RASA3: variants seen among roughly 807,000 people sequenced by gnomAD.
RASA3 encodes ras GTPase-activating protein 3.
Under a neutral mutation model 110.0 loss-of-function variants are expected in RASA3, and 73 were observed. That is an observed-to-expected ratio of 0.66 (90% CI 0.55 to 0.81). RASA3 has a LOEUF of 0.81. Ranked by LOEUF, RASA3 falls within the 30% of genes least tolerant of loss-of-function variation. The probability of loss-of-function intolerance (pLI) is 0.00; values close to 1 mark genes in which losing one functional copy is unlikely to be tolerated. For synonymous variants in RASA3, 500 were observed against 451.4 expected (o/e 1.11, Z -1.37); for missense variants, 976 against 1,113.2 (o/e 0.88, Z 1.75).
chr13:114,064,135 G>C (rs1294728022), intron 2 of RASA3, among the ~76,000 whole-genome samples: 1 of 152,214 alleles, frequency 6.6e-6, no homozygotes, highest in Admixed American at 6.5e-5. Context: ...TGTCACCAGT[G>C]GGTGACTATG....
At position 114,073,844 on chromosome 13, in the gene RASA3, A is replaced by C. The variant is rs186368945; in HGVS notation, c.56-7T>G. On this transcript the variant is annotated splice_region_variant and splice_polypyrimidine_tract_variant and intron_variant, in intron 1 of 23. Coordinates refer to ENST00000334062, the MANE Select transcript of RASA3 (RefSeq NM_007368.4). The stretch of plus-strand genomic sequence containing the variant: ...GGAAGGTTTTTGGCTTCACCTAAAA[A>C]GTAAAAGCGACATACATCATCAGCA... 1 of 1,604,774 alleles carries C rather than the reference A, an allele frequency of 6.2e-7. No individual in the cohort carries two copies. Among genetic ancestry groups the C allele is most frequent in the Non-Finnish European group, 8.5e-7 (1 of 1,171,548 alleles).
At chr13:114,045,334 A>G (rs528343654) in intron 3 of RASA3, among the ~76,000 whole-genome samples, 2 of 152,284 alleles carry the variant, frequency 1.3e-5, no homozygotes, top group African/African-American at 4.8e-5. Context: ...CCTTCTCACC[A>G]CGAGAGGCCG....
intron 1 of RASA3, among the ~76,000 whole-genome samples, chr13:114,080,724 C>CAGGGGTCTCCCCCAGGGGCCACT (rs1566560322): frequency 2.6e-5 from 1 of 38,010 alleles, no homozygotes. Context: ...CAGGGGCCAC[C>CAGGGGTCTCCCCCAGGGGCCACT]TCCCAGGGCA....
In RASA3 at chr13:114,011,462, G is replaced by A. The variant is rs1001759726; in HGVS notation, c.1513-214C>T. On this transcript the variant is annotated intron_variant, in intron 15 of 23. Coordinates refer to ENST00000334062, the MANE Select transcript of RASA3 (RefSeq NM_007368.4). This position sits in a 1 kb window ranked among gnomAD's most constrained non-coding sequence, Gnocchi z 4.8. The stretch of plus-strand genomic sequence containing the variant: ...TGAGACCATCCCGCAGGCAACATCC[G>A]ACGGCACCGCGGTGACCCACTCTCT... Among the ~76,000 whole-genome samples the A allele has an allele frequency of 3.9e-5, 6 of 152,096 alleles. No individual in the cohort carries two copies. Among genetic ancestry groups the A allele is most frequent in the Non-Finnish European group, 8.8e-5 (6 of 68,016 alleles).
At position 114,096,859 on chromosome 13, in the gene RASA3, C is replaced by T. The variant is rs990577393; in HGVS notation, c.56-23022G>A. Among the ~76,000 whole-genome samples the T allele has an allele frequency of 6.6e-6, 1 of 152,130 alleles. No individual in the cohort carries two copies. The highest frequency in any genetic ancestry group is 1.9e-4 in the East Asian group (1 of 5,198). On this transcript the variant is annotated intron_variant, in intron 1 of 23. Coordinates refer to ENST00000334062, the MANE Select transcript of RASA3 (RefSeq NM_007368.4). This position sits in a 1 kb window ranked among gnomAD's most constrained non-coding sequence, Gnocchi z 5.1. The stretch of plus-strand genomic sequence containing the variant: ...ATCTCGCTGCTCCCTCGGACGTACT[C>T]GCCCTACACCCCAGCCAAACGCACT...
In RASA3 at chr13:114,038,484, G is replaced by A. The variant is rs192502433; in HGVS notation, c.372+2516C>T. 7.9e-5 allele frequency among the ~76,000 whole-genome samples: 12 copies of A among 152,350 alleles called. 1 individual carries two copies. In the East Asian group the frequency reaches 1.2e-3, roughly 15 times the overall value. On this transcript the variant is annotated intron_variant, in intron 4 of 23. Coordinates refer to ENST00000334062, the MANE Select transcript of RASA3 (RefSeq NM_007368.4). ...GGAAGCAGAGTTAATTAAGTGTGAC[G>A]CACAATTAGCACAGGTCCCTTGGGG... is the stretch of plus-strand genomic sequence containing the variant.
intron 14 of RASA3, 135 bp from the exon 15 acceptor site, chr13:114,013,383 C>CCCTCTCTCTG: frequency 7.2e-6 from 4 of 554,538 alleles, no homozygotes; most frequent in Non-Finnish European, 1.3e-5. Context: ...GTGTCTGTCT[C>CCCTCTCTCTG]TCTCCCTCTC....
intron 16 of RASA3, among the ~76,000 whole-genome samples, chr13:114,010,795 G>T (rs1421224799): frequency 1.3e-5 from 2 of 149,350 alleles, no homozygotes; most frequent in Non-Finnish European, 3.0e-5. Context: ...GGGGAGGAGG[G>T]GGCCGCGAGG....
chr13:114,045,631 A>C (rs1393921410), intron 3 of RASA3, among the ~76,000 whole-genome samples: 2 of 150,492 alleles, frequency 1.3e-5, no homozygotes, highest in East Asian at 1.9e-4. Context: ...TAGAATGTAC[A>C]AAAAAAAATC....
At chr13:114,023,570 C>G (rs1035853498) in intron 8 of RASA3, among the ~76,000 whole-genome samples, 1 of 152,224 alleles carries the variant, frequency 6.6e-6, no homozygotes. Flanking sequence ...GGGAACCCGC[C>G]GGGGTTTGTG....
intron 1 of RASA3, among the ~76,000 whole-genome samples, chr13:114,121,622 C>T (rs1454305869): frequency 6.6e-6 from 1 of 152,218 alleles, no homozygotes; most frequent in Non-Finnish European, 1.5e-5. Context: ...TCAGCCTGAA[C>T]CTCTGTCTCT....
At position 113,996,022 on chromosome 13, in the gene RASA3, CCCGG is replaced by C. The variant is rs1366175690; in HGVS notation, c.2141+505_2141+508del. 1.2e-3 allele frequency among the ~76,000 whole-genome samples: 104 copies of C among 84,302 alleles called. 2 individuals carry two copies. The highest frequency in any genetic ancestry group is 5.2e-3 in the African/African-American group (100 of 19,148). 55.3% of individuals were successfully genotyped at this position (84,302 alleles called of 152,430 possible). ...ATGGGGAGGCCCGGCTGATGGGGGA[CCCGG>C]CTGATGGGGGGGCCCGGCTGATGGG... is the stretch of plus-strand genomic sequence containing the variant. On this transcript the variant is annotated intron_variant, in intron 21 of 23. Transcript: ENST00000334062.
intron 1 of RASA3, among the ~76,000 whole-genome samples, chr13:114,127,694 G>A (rs926773512): frequency 2.6e-5 from 4 of 152,152 alleles, no homozygotes; most frequent in African/African-American, 9.7e-5. Flanking sequence ...GATCCCTTGA[G>A]TCCTGGAGTT....
intron 1 of RASA3, among the ~76,000 whole-genome samples, chr13:114,083,043 G>C (rs1031970411): frequency 1.3e-5 from 2 of 152,228 alleles, no homozygotes; most frequent in African/African-American, 4.8e-5. Context: ...TCATCACTGA[G>C]TGTGATATGT....
At chr13:114,105,054 C>T (rs996853824) in intron 1 of RASA3, among the ~76,000 whole-genome samples, 7 of 152,020 alleles carry the variant, frequency 4.6e-5, no homozygotes, top group Non-Finnish European at 5.9e-5. Context: ...ATTGGCGCAC[C>T]CTCCTCCAAC....
At chr13:114,128,508 A>G (rs564125822) in intron 1 of RASA3, among the ~76,000 whole-genome samples, 39 of 152,350 alleles carry the variant, frequency 2.6e-4, no homozygotes, top group Non-Finnish European at 4.7e-4. Flanking sequence ...GGGACCCTCC[A>G]GGCACCCCAC....
intron 17 of RASA3, 136 bp from the exon 18 acceptor site, chr13:114,007,742 T>G: frequency 2.8e-6 from 2 of 726,688 alleles, no homozygotes; most frequent in Non-Finnish European, 4.8e-6. Context: ...AAGTGAGTCC[T>G]TCCCCGAGGG....
At position 113,982,511 on chromosome 13, in the gene RASA3, G is replaced by A. The variant is rs533086776; in HGVS notation, c.2246-653C>T. On this transcript the variant is annotated intron_variant, in intron 22 of 23. Coordinates refer to ENST00000334062, the MANE Select transcript of RASA3 (RefSeq NM_007368.4). ...GCCATTCTGGTGCCTCGCCCCTAGC[G>A]GACAGCCATGGAACCCTTGAGCCAG... Among the ~76,000 whole-genome samples, 11 of 152,362 alleles carry A rather than the reference G, an allele frequency of 7.2e-5. No individual in the cohort carries two copies. In the South Asian group the frequency reaches 1.0e-3, roughly 14 times the overall value.
chr13:114,026,421 T>C (rs773506430), intron 7 of RASA3, among the ~76,000 whole-genome samples: 24 of 152,224 alleles, frequency 1.6e-4, no homozygotes, highest in Non-Finnish European at 2.4e-4. Flanking sequence ...AGGCTTCCGT[T>C]TGAGACAGAG....
Sources: gnomAD v4.1 joint callset for allele counts (sites outside exome capture counted in the v4.1 genomes callset) on GRCh38, gnomAD v4.1.1 for gene constraint, Gnocchi (gnomAD v3.1) non-coding constraint, MANE v1.5 for transcripts, NCBI Gene and HGNC (gene_info 2026-07-23, HGNC 2026-07-21) for gene names.